PSIP1: variants seen among roughly 807,000 people sequenced by gnomAD.
The protein encoded by PSIP1 is PC4 and SRSF1 interacting protein 1.
Under a neutral mutation model 74.7 loss-of-function variants are expected in PSIP1, and 19 were observed. The observed-to-expected ratio is 0.25, with a 90% confidence interval of 0.18 to 0.37. PSIP1 has a LOEUF of 0.37. Among genes scored for constraint, PSIP1 ranks in the 10% least tolerant of loss-of-function variants. The probability of loss-of-function intolerance (pLI) is 1.00; values close to 1 mark genes in which losing one functional copy is unlikely to be tolerated. For synonymous variants in PSIP1, 222 were observed against 195.3 expected (o/e 1.14, Z -1.14); for missense variants, 601 against 614.3 (o/e 0.98, Z 0.23).
At position 15,474,671 on chromosome 9, in the gene PSIP1, T is replaced by C. The variant is rs111726197; in HGVS notation, c.630-434A>G. Among the ~76,000 whole-genome samples the C allele has an allele frequency of 7.8e-4, 119 of 152,302 alleles. 2 individuals carry two copies. Among genetic ancestry groups the C allele is most frequent in the African/African-American group, 2.5e-3 (104 of 41,566 alleles). ...AGCACCTAAGTATTCCCATCACCAC[T>C]GAATTTCACAGACACCACTAAAACA... On this transcript the variant is annotated intron_variant, in intron 8 of 15. Coordinates refer to ENST00000380733, the MANE Select transcript of PSIP1 (RefSeq NM_033222.5).
chr9:15,468,363 G>A (rs1335021384), intron 14 of PSIP1: 1 of 666,374 alleles, frequency 1.5e-6, no homozygotes, highest in Non-Finnish European at 2.8e-6. Flanking sequence ...TGATGGATGG[G>A]TTTTTAAAAA....
At chr9:15,480,447 A>T (rs1160554068) in intron 6 of PSIP1, among the ~76,000 whole-genome samples, 2 of 152,236 alleles carry the variant, frequency 1.3e-5, no homozygotes, top group Admixed American at 1.3e-4. Flanking sequence ...AATCTCATTG[A>T]TTAAAAAAAT....
intron 3 of PSIP1, 129 bp downstream of exon 3, chr9:15,506,432 G>C: frequency 1.7e-6 from 1 of 603,496 alleles, no homozygotes; most frequent in Non-Finnish European, 2.8e-6. Flanking sequence ...GAGACTTAAA[G>C]ACTCTTTCCA....
chr9:15,475,692 T>TA (rs1254916911), intron 8 of PSIP1, among the ~76,000 whole-genome samples: 2 of 152,102 alleles, frequency 1.3e-5, no homozygotes, highest in African/African-American at 4.8e-5. Context: ...CCTAAGGTCA[T>TA]AAAAAAGATT....
At chr9:15,488,832 T>C (rs371180705) in intron 4 of PSIP1, among the ~76,000 whole-genome samples, 49 of 152,092 alleles carry the variant, frequency 3.2e-4, no homozygotes, top group South Asian at 1.0e-3. Context: ...CCATCCTGGC[T>C]AACACGGTGA....
At position 15,479,806 on chromosome 9, in the gene PSIP1, A is replaced by G. The variant is rs1269764739; in HGVS notation, c.457-119T>C. On this transcript the variant is annotated intron_variant, in intron 6 of 15. Coordinates refer to ENST00000380733, the MANE Select transcript of PSIP1 (RefSeq NM_033222.5). ...GAGTTCAAGTATAGATATAACCTCT[A>G]TATGATCTTTTGTTTTTTCAACAAT... 1.1e-5 allele frequency: 6 copies of G among 552,344 alleles called. No homozygotes were observed. In the African/African-American group the frequency reaches 1.2e-4, roughly 11 times the overall value. 34.2% of individuals were successfully genotyped at this position (552,344 alleles called of 1,614,324 possible). A position where few individuals can be genotyped will look rare whatever the true frequency, so the allele number is the denominator to read the frequency against.
Position 15,489,992 on chromosome 9 carries a change from A to C in PSIP1, c.282T>G (p.Ser94Arg). ...IDNNPKVKFS[S>R]QQAATKQSNA... The stretch of plus-strand genomic sequence containing the variant: ...TTTATGTAATATGACTTACCTGTTG[A>C]CTTGAAAATTTCACTTTTGGATTGT... The change falls in exon 4 of 16, where the codon AGT becomes AGG. Residue 94 changes from serine (S) to arginine (R), a missense_variant. Physicochemically the swap from Ser to Arg is moderately radical, Grantham distance 110. Coordinates refer to ENST00000380733, the MANE Select transcript of PSIP1 (RefSeq NM_033222.5). The C allele has an allele frequency of 5.1e-6, 8 of 1,570,088 alleles. No individual in the cohort carries two copies. Among genetic ancestry groups the C allele is most frequent in the Non-Finnish European group, 6.0e-6 (7 of 1,159,798 alleles).
In PSIP1 at chr9:15,472,649, T is replaced by A; in HGVS notation, c.960A>T (p.Glu320Asp). 6.2e-7 allele frequency: 1 copy of A among 1,602,386 alleles called. No homozygotes were observed. Residue 320 changes from glutamate (E) to aspartate (D), a missense_variant, in exon 10 of 16, where the codon GAA (glutamate) becomes GAT (aspartate). Transcript: ENST00000380733. ...ATACTTACTGCTCAGTTTCCATTTGTTCCTCTTGCTTGCGTTTTCGATCTG... is the reference window on the plus strand; with the variant it reads ...ATACTTACTGCTCAGTTTCCATTTGATCCTCTTGCTTGCGTTTTCGATCTG... ...EAADRKRKQE[E>D]QMETEQQNKD...
intron 3 of PSIP1, among the ~76,000 whole-genome samples, chr9:15,499,553 T>C (rs1192549905): frequency 6.6e-6 from 1 of 152,160 alleles, no homozygotes; most frequent in Non-Finnish European, 1.5e-5. Flanking sequence ...AAAAATTCAG[T>C]TGTTACACAA....
intron 10 of PSIP1, chr9:15,471,821 C>G (rs2035843645): frequency 3.1e-6 from 3 of 956,234 alleles, no homozygotes; most frequent in African/African-American, 3.5e-5. Flanking sequence ...TTAACTTTGT[C>G]TTATTGACCT....
rs916459775 is a variant in PSIP1 at position 15,468,658 on chromosome 9, T to G, written c.1392A>C (p.Pro464=). 1 of 1,614,134 alleles carries G rather than the reference T, an allele frequency of 6.2e-7. No individual in the cohort carries two copies. Among genetic ancestry groups the G allele is most frequent in the Non-Finnish European group, 8.5e-7 (1 of 1,179,998 alleles). ...TTTGTTCCTTCTCTAGCTTTTTGTT[T>G]GGCCCTTTCTTCCCTTGATCTTTGG... ...NKTKDQGKKG[P]NKKLEKEQTG... Residue 464 remains proline, a synonymous_variant, in exon 14 of 16, where the codon CCA becomes CCC. Coordinates refer to ENST00000380733, the MANE Select transcript of PSIP1 (RefSeq NM_033222.5).
At chr9:15,503,577 A>C (rs1196334432) in intron 3 of PSIP1, among the ~76,000 whole-genome samples, 2 of 151,590 alleles carry the variant, frequency 1.3e-5, no homozygotes, top group African/African-American at 2.4e-5. Flanking sequence ...TGGGAGGATC[A>C]CTTAGGCCCA....
At chr9:15,471,146 T>C (rs762147748) in intron 10 of PSIP1, 1 of 1,606,170 alleles carries the variant, frequency 6.2e-7, no homozygotes, top group Non-Finnish European at 8.5e-7. Flanking sequence ...TTTGCTCCAC[T>C]TGTATTCTCT....
intron 10 of PSIP1, chr9:15,471,700 T>C: frequency 2.1e-6 from 2 of 965,684 alleles, no homozygotes; most frequent in Non-Finnish European, 2.5e-6. Flanking sequence ...TCCTCCAAAC[T>C]AAGAAAGCAG....
At chr9:15,498,950 T>C (rs185616096) in intron 3 of PSIP1, among the ~76,000 whole-genome samples, 5 of 152,190 alleles carry the variant, frequency 3.3e-5, no homozygotes, top group East Asian at 3.9e-4. Flanking sequence ...TTCTAAAAAA[T>C]AGGAGTAAAA....
chr9:15,476,120 AGT>A (rs1238167833), intron 8 of PSIP1, among the ~76,000 whole-genome samples: 1 of 152,152 alleles, frequency 6.6e-6, no homozygotes, highest in African/African-American at 2.4e-5. Flanking sequence ...CACTCCACTG[AGT>A]GTGTGCCCAG....
intron 4 of PSIP1, among the ~76,000 whole-genome samples, chr9:15,488,999 C>T (rs552077757): frequency 1.2e-4 from 19 of 152,148 alleles, no homozygotes; most frequent in South Asian, 8.3e-4. Context: ...CCAGCCTGGG[C>T]GACAGAGCGA....
At position 15,486,159 on chromosome 9, in the gene PSIP1, C is replaced by A. The variant is rs2132118338; in HGVS notation, c.394-91G>T. The stretch of plus-strand genomic sequence containing the variant: ...AACTAAAAGTTACAAGCACGTTTAA[C>A]TGAAAGCATTGGGGAAATCTGTTTT... On this transcript the variant is annotated intron_variant, in intron 5 of 15. Coordinates refer to ENST00000380733, the MANE Select transcript of PSIP1 (RefSeq NM_033222.5). 30 of 1,053,724 alleles carry A rather than the reference C, an allele frequency of 2.8e-5. No homozygotes were observed. In the South Asian group the frequency reaches 4.1e-4, roughly 14 times the overall value. 65.3% of individuals were successfully genotyped at this position (1,053,724 alleles called of 1,614,324 possible).
chr9:15,510,206 G>A lies in PSIP1; in HGVS notation c.-18C>T. On this transcript the variant is annotated 5_prime_UTR_variant, in exon 2 of 16. Coordinates refer to ENST00000380733, the MANE Select transcript of PSIP1 (RefSeq NM_033222.5). ...CGAGTCATGTTTCGGGGGCGAGACC[G>A]GGGGTCCGAAGCCCGGGAGGCGGCG... 1 of 1,598,244 alleles carries A rather than the reference G, an allele frequency of 6.3e-7. No individual in the cohort carries two copies. The highest frequency in any genetic ancestry group is 8.5e-7 in the Non-Finnish European group (1 of 1,173,016).
Sources: gnomAD v4.1 joint callset for allele counts (sites outside exome capture counted in the v4.1 genomes callset) on GRCh38, gnomAD v4.1.1 for gene constraint, MANE v1.5 for transcripts, NCBI Gene and HGNC (gene_info 2026-07-23, HGNC 2026-07-21) for gene names.